The following WDR93 variants were observed in gnomAD, a reference collection of about 807,000 sequenced individuals.
WDR93 encodes the protein WD repeat domain 93.
Under a neutral mutation model 82.9 loss-of-function variants are expected in WDR93, and 73 were observed. The observed-to-expected ratio is 0.88, with a 90% CI of 0.73 to 1.07. The LOEUF is 1.07. WDR93 is among the 50% of genes least tolerant of loss of function. The probability of loss-of-function intolerance (pLI) is 0.00; values close to 1 mark genes in which losing one functional copy is unlikely to be tolerated. For synonymous variants in WDR93, 283 were observed against 300.1 expected, an observed-to-expected ratio of 0.94 and a Z score of 0.59; for missense variants, 738 against 826.0, an observed-to-expected ratio of 0.89 and a Z score of 1.31.
At chr15:89,709,052 G>A (rs1028037565) in intron 4 of WDR93, among the ~76,000 whole-genome samples, 1 of 152,236 alleles carries the variant, frequency 6.6e-6, no homozygotes, top group African/African-American at 2.4e-5. Flanking sequence ...GAGAAGTGAT[G>A]GAGGTACTGA....
rs187960433 is a variant in WDR93, at chr15:89,709,605, G to A, written c.562-2421G>A. ...TAAAAAGACAACCCAATAAAAAATAGGCAAAAGACTTAAACTGACATTTAC... is the reference window on the plus strand; with the variant it reads ...TAAAAAGACAACCCAATAAAAAATAAGCAAAAGACTTAAACTGACATTTAC... On this transcript the variant is annotated intron_variant, in intron 4 of 16. Transcript: ENST00000268130. Among the ~76,000 whole-genome samples, 294 of 151,670 alleles carry A rather than the reference G, an allele frequency of 1.9e-3. 4 individuals carry two copies. Among genetic ancestry groups the A allele is most frequent in the Admixed American group, 7.9e-4 (12 of 15,182 alleles).
chr15:89,703,416 A>C, intron 3 of WDR93: 1 of 470,306 alleles, frequency 2.1e-6, no homozygotes. Context: ...GAAGCTAAAT[A>C]ACTTATTTGA....
At chr15:89,717,243 G>C (rs998471746) in intron 7 of WDR93, among the ~76,000 whole-genome samples, 2 of 151,884 alleles carry the variant, frequency 1.3e-5, no homozygotes, top group African/African-American at 2.4e-5. Context: ...ATTTTTAGTA[G>C]AGACAGGGTT....
At chr15:89,697,174 G>A (rs1304938466) in intron 1 of WDR93, among the ~76,000 whole-genome samples, 1 of 151,950 alleles carries the variant, frequency 6.6e-6, no homozygotes, top group Admixed American at 6.5e-5. Context: ...GCTTAGACTG[G>A]TGTCAGACTC....
intron 8 of WDR93, among the ~76,000 whole-genome samples, chr15:89,725,252 GAAAAATGAACAAA>G (rs1252614522): frequency 6.6e-6 from 1 of 152,096 alleles, no homozygotes; most frequent in East Asian, 1.9e-4. Context: ...ATACAGCAAT[GAAAAATGAACAAA>G]CTGCAGCTAC....
intron 13 of WDR93, 77 bp from the exon 14 acceptor site, chr15:89,735,413 A>G (rs901726087): frequency 1.4e-6 from 2 of 1,440,702 alleles, no homozygotes; most frequent in African/African-American, 1.4e-5. Context: ...TTTCTCCAGG[A>G]TATATGCCTA....
In WDR93 at chr15:89,701,943, T is replaced by A. The variant is rs4287542; in HGVS notation, c.197T>A (p.Leu66His). The change falls in exon 2 of 17, where the codon CTT (leucine) becomes CAT (histidine). Residue 66 changes from leucine to histidine, a missense_variant. Transcript: ENST00000268130. Reference sequence around the variant, plus strand: ...CGAATGATCAACAAGCTGGTGAACCTTCTGTTTGACCAGTCTTGGGAAATT... The same window carrying A: ...CGAATGATCAACAAGCTGGTGAACCATCTGTTTGACCAGTCTTGGGAAATT... ...PYRMINKLVN[L>H]LFDQSWEIIE... 0.44 allele frequency: 711,290 copies of A among 1,613,772 alleles called. 159,728 individuals carry two copies. Among genetic ancestry groups the A allele is most frequent in the African/African-American group, 0.5 (37,389 of 74,920 alleles).
chr15:89,692,267 C>G (rs545856489), intron 1 of WDR93, among the ~76,000 whole-genome samples: 1 of 152,290 alleles, frequency 6.6e-6, no homozygotes, highest in East Asian at 1.9e-4. Context: ...GCAGTAAATT[C>G]CAGGGGTATT....
rs566229560 is a variant in WDR93, at chr15:89,729,189, G to A, written c.1123+96G>A. The A allele has an allele frequency of 3.7e-5, 44 of 1,176,446 alleles. No homozygotes were observed. The East Asian group carries it at 7.0e-4, about 19-fold the overall frequency. 72.9% of individuals were successfully genotyped at this position (1,176,446 alleles called of 1,614,324 possible). ...ACAGAGATGTTCCCCAACAAACCTC[G>A]CATGGTAGGAGGGAATGAAGAGGGG... On this transcript the variant is annotated intron_variant, in intron 10 of 16. Coordinates refer to ENST00000268130, the MANE Select transcript of WDR93 (RefSeq NM_020212.2).
chr15:89,727,650 G>A (rs1462257846), intron 9 of WDR93, among the ~76,000 whole-genome samples: 1 of 152,146 alleles, frequency 6.6e-6, no homozygotes, highest in African/African-American at 2.4e-5. Flanking sequence ...TTACTATATA[G>A]TTAGAACAAA....
In WDR93 at chr15:89,743,320, A is replaced by G; in HGVS notation, c.1990A>G (p.Lys664Glu). The G allele has an allele frequency of 1.9e-6, 3 of 1,614,164 alleles. No homozygotes were observed. The highest frequency in any genetic ancestry group is 4.5e-5 in the East Asian group (2 of 44,874). Residue 664 changes from lysine to glutamate, a missense_variant, in exon 17 of 17, where the codon AAG becomes GAG. Lys to Glu is a moderately conservative substitution (Grantham distance 56, BLOSUM62 1). Transcript: ENST00000268130. ...SYRKLEKNPE[K>E]EEEHWARLQR... ...TCGGAAGCTGGAGAAGAACCCAGAGAAGGAGGAGGAGCACTGGGCCCGGCT... is the reference window on the plus strand; with the variant it reads ...TCGGAAGCTGGAGAAGAACCCAGAGGAGGAGGAGGAGCACTGGGCCCGGCT...
intron 12 of WDR93, among the ~76,000 whole-genome samples, chr15:89,732,073 C>T (rs1371875071): frequency 6.6e-6 from 1 of 152,228 alleles, no homozygotes; most frequent in Non-Finnish European, 1.5e-5. Context: ...GTTCTAGGGT[C>T]CTGGGTCCAG....
chr15:89,713,444 A>T (rs1966091877), intron 5 of WDR93, among the ~76,000 whole-genome samples: 1 of 151,378 alleles, frequency 6.6e-6, no homozygotes, highest in Non-Finnish European at 1.5e-5. Flanking sequence ...GCCCCCTCCA[A>T]TGTCAGGTAT....
upstream of WDR93, chr15:89,690,549 G>C (rs1453442936): frequency 6.5e-7 from 1 of 1,540,890 alleles, no homozygotes; most frequent in East Asian, 2.5e-5. Context: ...GGCGAGAAAG[G>C]GGCGGAGGCC....
chr15:89,703,244 C>T, intron 3 of WDR93, 102 bp downstream of exon 3: 1 of 1,242,812 alleles, frequency 8.0e-7, no homozygotes, highest in South Asian at 1.3e-5. Context: ...GGCATGGAGA[C>T]TTCTCCCTGG....
chr15:89,696,052 A>T (rs953804675), intron 1 of WDR93, among the ~76,000 whole-genome samples: 1 of 151,952 alleles, frequency 6.6e-6, no homozygotes, highest in East Asian at 1.9e-4. Flanking sequence ...CCTGACCTCA[A>T]GTGATTCACC....
intron 9 of WDR93, among the ~76,000 whole-genome samples, chr15:89,727,802 G>T (rs6496593): frequency 5.3e-5 from 8 of 151,680 alleles, no homozygotes; most frequent in Non-Finnish European, 1.2e-4. Flanking sequence ...AAGCACAGAG[G>T]CTGGGCACGG....
At chr15:89,695,802 C>T (rs1402810468) in intron 1 of WDR93, among the ~76,000 whole-genome samples, 1 of 147,664 alleles carries the variant, frequency 6.8e-6, no homozygotes, top group Non-Finnish European at 1.5e-5. Context: ...AAAAAACTCC[C>T]TCATGCTGTC....
intron 1 of WDR93, among the ~76,000 whole-genome samples, chr15:89,695,189 G>C (rs983787919): frequency 6.6e-6 from 1 of 151,546 alleles, no homozygotes; most frequent in Non-Finnish European, 1.5e-5. Flanking sequence ...TTATCATAGG[G>C]ATTGTGTTGA....
Sources: allele counts gnomAD v4.1 joint callset (sites outside exome capture counted in the v4.1 genomes callset), GRCh38; gene constraint gnomAD v4.1.1; transcripts MANE v1.5; gene names NCBI Gene and HGNC (gene_info 2026-07-23, HGNC 2026-07-21).